Variants in PHF20 observed in about 807,000 individuals in gnomAD.
PHF20 encodes glioma-expressed antigen 2.
Under a neutral mutation model 113.5 loss-of-function variants are expected in PHF20, and 23 were observed. The observed-to-expected ratio is 0.20, with a 90% confidence interval of 0.15 to 0.29. PHF20 has a LOEUF of 0.29. Among genes scored for constraint, PHF20 ranks in the 10% least tolerant of loss-of-function variants. The pLI is 1.00. For missense variants in PHF20, 943 were observed against 1,219.6 expected, an observed-to-expected ratio of 0.77 and a Z score of 3.38; for synonymous variants, 434 against 457.3, an observed-to-expected ratio of 0.95 and a Z score of 0.65.
At chr20:35,792,960 A>G (rs1470953433) in intron 1 of PHF20, among the ~76,000 whole-genome samples, 1 of 152,178 alleles carries the variant, frequency 6.6e-6, no homozygotes, top group Admixed American at 6.6e-5. Context: ...AGAATTGGTT[A>G]GAATCTGAGT....
chr20:35,905,659 G>A (rs1568742224), intron 10 of PHF20, among the ~76,000 whole-genome samples: 1 of 152,212 alleles, frequency 6.6e-6, no homozygotes, highest in African/African-American at 2.4e-5. Flanking sequence ...ATAACATAAT[G>A]TTTTGTTATA....
chr20:35,941,140 G>A (rs1004624012), intron 17 of PHF20, 93 bp downstream of exon 17: 1 of 971,346 alleles, frequency 1.0e-6, no homozygotes, highest in East Asian at 2.6e-5. Flanking sequence ...GAGTTTACAG[G>A]GACCGCTGTA....
intron 13 of PHF20, among the ~76,000 whole-genome samples, chr20:35,924,562 G>T (rs1378468030): frequency 6.6e-6 from 1 of 151,466 alleles, no homozygotes; most frequent in African/African-American, 2.4e-5. Context: ...TTTATTTTCT[G>T]CATAATGGTT....
chr20:35,878,045 A>G (rs530674880), intron 9 of PHF20, among the ~76,000 whole-genome samples: 14 of 152,348 alleles, frequency 9.2e-5, no homozygotes, highest in African/African-American at 2.9e-4. Context: ...TGTAATGCCT[A>G]TAGTATTTTA....
intron 2 of PHF20, among the ~76,000 whole-genome samples, chr20:35,803,080 C>T (rs2041812226): frequency 1.3e-5 from 2 of 151,150 alleles, no homozygotes; most frequent in East Asian, 2.0e-4. Flanking sequence ...AATGAAACCC[C>T]GTCTTTACTA....
chr20:35,779,567 A>G (rs1045736306), intron 1 of PHF20, among the ~76,000 whole-genome samples: 13 of 149,806 alleles, frequency 8.7e-5, no homozygotes, highest in South Asian at 2.1e-4. Flanking sequence ...TCTGTCGCCC[A>G]GAAGTGCAGT....
intron 3 of PHF20, among the ~76,000 whole-genome samples, chr20:35,844,284 A>G (rs1237959434): frequency 6.6e-6 from 1 of 151,666 alleles, no homozygotes; most frequent in Non-Finnish European, 1.5e-5. Context: ...TTGTATTTTT[A>G]GTACAGATGG....
At chr20:35,798,707 G>T (rs1323181866) in intron 1 of PHF20, among the ~76,000 whole-genome samples, 3 of 151,952 alleles carry the variant, frequency 2.0e-5, no homozygotes, top group African/African-American at 7.3e-5. Flanking sequence ...GGCAGCCTCG[G>T]CCTCCCAAAG....
intron 12 of PHF20, 48 bp from the exon 13 acceptor site, chr20:35,917,436 T>G: frequency 6.6e-7 from 1 of 1,505,534 alleles, no homozygotes; most frequent in African/African-American, 1.4e-5. Flanking sequence ...AAAGGTTTTT[T>G]AATTTTATAA....
At chr20:35,785,542 ACTC>A (rs2041391667) in intron 1 of PHF20, among the ~76,000 whole-genome samples, 1 of 150,884 alleles carries the variant, frequency 6.6e-6, no homozygotes, top group African/African-American at 2.4e-5. Context: ...CTGGTCTCGA[ACTC>A]CTGACCTCAG....
intron 17 of PHF20, among the ~76,000 whole-genome samples, chr20:35,943,161 T>G (rs983818647): frequency 6.6e-6 from 1 of 152,104 alleles, no homozygotes; most frequent in Non-Finnish European, 1.5e-5. Context: ...AAAATAGGAA[T>G]TTGGATGTAA....
chr20:35,838,957 G>A (rs531091832), intron 2 of PHF20, among the ~76,000 whole-genome samples: 1 of 149,632 alleles, frequency 6.7e-6, no homozygotes, highest in African/African-American at 2.5e-5. Flanking sequence ...TGGTGCCACT[G>A]CACTCCAGCC....
intron 12 of PHF20, among the ~76,000 whole-genome samples, chr20:35,914,977 A>C (rs1452012781): frequency 6.7e-6 from 1 of 149,534 alleles, no homozygotes; most frequent in Non-Finnish European, 1.5e-5. Context: ...AAAAAAAAAA[A>C]AACAGTAAAA....
intron 6 of PHF20, among the ~76,000 whole-genome samples, chr20:35,869,200 A>G (rs1458972617): frequency 6.6e-6 from 1 of 152,184 alleles, no homozygotes; most frequent in African/African-American, 2.4e-5. Context: ...CTGGAGCTGG[A>G]TCATAGAAAA....
intron 15 of PHF20, among the ~76,000 whole-genome samples, chr20:35,932,070 GTTT>G (rs200679606): frequency 7.2e-6 from 1 of 139,326 alleles, no homozygotes; most frequent in Non-Finnish European, 1.6e-5. Context: ...AGTTCTGAGT[GTTT>G]TTTTTTTTTT....
intron 2 of PHF20, among the ~76,000 whole-genome samples, chr20:35,827,966 A>C (rs749493737): frequency 6.6e-6 from 1 of 152,122 alleles, no homozygotes; most frequent in African/African-American, 2.4e-5. Flanking sequence ...GAGATACCTT[A>C]GATAAAGATA....
chr20:35,918,400 G>A (rs189822343), intron 13 of PHF20, among the ~76,000 whole-genome samples: 1 of 152,214 alleles, frequency 6.6e-6, no homozygotes, highest in Admixed American at 6.5e-5. Context: ...AAATAGACTG[G>A]GTCCTAGGGC....
chr20:35,835,757 C>T (rs1334330070), intron 2 of PHF20, among the ~76,000 whole-genome samples: 3 of 151,956 alleles, frequency 2.0e-5, no homozygotes, highest in African/African-American at 7.3e-5. Flanking sequence ...TGATGAAACC[C>T]GTCTCTACTA....
intron 1 of PHF20, chr20:35,800,028 T>C (rs969583629): frequency 3.3e-5 from 5 of 152,140 alleles, no homozygotes; most frequent in South Asian, 2.1e-4. Flanking sequence ...ACCTTTTTTT[T>C]CCATCAAAAG....
Sources: gnomAD v4.1 joint callset for allele counts (sites outside exome capture counted in the v4.1 genomes callset) on GRCh38, gnomAD v4.1.1 for gene constraint, MANE v1.5 for transcripts, NCBI Gene and HGNC (gene_info 2026-07-23, HGNC 2026-07-21) for gene names.